The following C2orf76 variants were observed in gnomAD, a reference collection of about 807,000 sequenced individuals.
C2orf76 encodes chromosome 2 open reading frame 76.
C2orf76 carries 23 observed loss-of-function variants against 16.9 expected under a neutral mutation model. The ratio of observed to expected loss-of-function variants is 1.36; its 90% CI spans 0.98 to 1.93. The LOEUF (loss-of-function observed/expected upper bound fraction) is 1.93. Ranked by LOEUF, C2orf76 falls within the 30% of genes most tolerant of loss-of-function variation. C2orf76 has a pLI of 0.00. For synonymous variants in C2orf76, 48 were observed against 52.3 expected, an observed-to-expected ratio of 0.92 and a Z score of 0.35; for missense variants, 152 against 152.6, an observed-to-expected ratio of 1.00 and a Z score of 0.02.
chr2:119,289,957 T>C, the C2orf76 span, among the ~76,000 whole-genome samples: 6 of 151,942 alleles, frequency 3.9e-5, no homozygotes, highest in African/African-American at 1.4e-4. Context: ...TTTCTTAATT[T>C]TTAAAATAAC....
intron 2 of C2orf76, chr2:119,338,982 T>G (rs1679939191): frequency 6.6e-6 from 1 of 151,836 alleles, no homozygotes; most frequent in Admixed American, 6.6e-5. Context: ...CAAGATGGAG[T>G]TGCTTTGGCC....
chr2:119,334,703 A>ACTAT (rs376852438), intron 2 of C2orf76, among the ~76,000 whole-genome samples: 2 of 146,132 alleles, frequency 1.4e-5, no homozygotes, highest in African/African-American at 2.5e-5. Context: ...AAAAAAACAA[A>ACTAT]ATATATATAT....
intron 2 of C2orf76, among the ~76,000 whole-genome samples, chr2:119,327,947 T>G (rs1047429463): frequency 6.6e-6 from 1 of 152,158 alleles, no homozygotes; most frequent in African/African-American, 2.4e-5. Context: ...GTAGCTTTAT[T>G]TTCTTTCAAC....
chr2:119,311,831 C>A lies in C2orf76; in HGVS notation c.223-128G>T, dbSNP rs576512399. ...TCTAAGTAGATTCCACTGCCCTGGC[C>A]GTAATGAGGGCAGTGAACAGAGGCA... On this transcript the variant is annotated intron_variant, in intron 4 of 5. Coordinates refer to ENST00000334816, the MANE Select transcript of C2orf76 (RefSeq NM_001322331.2). 3.4e-5 allele frequency: 29 copies of A among 845,716 alleles called. No homozygotes were observed. In the Admixed American group the frequency reaches 7.1e-4, roughly 21 times the overall value. 52.4% of individuals were successfully genotyped at this position (845,716 alleles called of 1,614,324 possible).
At chr2:119,282,294 G>A in the C2orf76 span, among the ~76,000 whole-genome samples, 1 of 152,162 alleles carries the variant, frequency 6.6e-6, no homozygotes, top group Admixed American at 6.5e-5. Flanking sequence ...ATACCAATAG[G>A]TCGGCTCTGA....
intron 1 of C2orf76, among the ~76,000 whole-genome samples, chr2:119,348,003 C>T (rs1680257656): frequency 7.3e-6 from 1 of 136,562 alleles, no homozygotes; most frequent in Non-Finnish European, 1.5e-5. Flanking sequence ...CTGTGCTCCA[C>T]ACCACTACTC....
intron 1 of C2orf76, among the ~76,000 whole-genome samples, chr2:119,355,134 T>C (rs141656470): frequency 2.0e-5 from 3 of 152,322 alleles, no homozygotes; most frequent in African/African-American, 4.8e-5. Flanking sequence ...TTCCCAAGGG[T>C]TGGAGACTTA....
chr2:119,318,850 A>G (rs905178428), intron 3 of C2orf76, among the ~76,000 whole-genome samples: 9 of 152,154 alleles, frequency 5.9e-5, no homozygotes, highest in Admixed American at 3.9e-4. Flanking sequence ...CAAGGTCAAC[A>G]TAATCCTCAG....
At chr2:119,313,256 A>C (rs1035862373) in intron 4 of C2orf76, among the ~76,000 whole-genome samples, 14 of 152,244 alleles carry the variant, frequency 9.2e-5, no homozygotes, top group South Asian at 2.1e-4. Context: ...CAGGGGCTTA[A>C]AACTCCAGAG....
At chr2:119,304,760 G>A (rs1029321417) in intron 5 of C2orf76, among the ~76,000 whole-genome samples, 2 of 152,176 alleles carry the variant, frequency 1.3e-5, no homozygotes. Flanking sequence ...TTAAGAAGAA[G>A]TAGAATATAA....
chr2:119,342,816 G>T (rs1316452955), intron 1 of C2orf76, among the ~76,000 whole-genome samples: 1 of 151,884 alleles, frequency 6.6e-6, no homozygotes, highest in Non-Finnish European at 1.5e-5. Flanking sequence ...GCTGGAGTGC[G>T]GTGGTGCCAT....
chr2:119,318,183 G>C (rs554194869), intron 3 of C2orf76, among the ~76,000 whole-genome samples: 31 of 152,220 alleles, frequency 2.0e-4, no homozygotes, highest in African/African-American at 7.5e-4. Flanking sequence ...GGTAAAATTC[G>C]AACTCAGCAA....
At chr2:119,312,160 A>T (rs1679013422) in intron 4 of C2orf76, among the ~76,000 whole-genome samples, 1 of 152,028 alleles carries the variant, frequency 6.6e-6, no homozygotes, top group Non-Finnish European at 1.5e-5. Flanking sequence ...CATCATCATC[A>T]TCTTCTGCCA....
At chr2:119,354,599 C>T (rs1039302883) in intron 1 of C2orf76, among the ~76,000 whole-genome samples, 1 of 152,150 alleles carries the variant, frequency 6.6e-6, no homozygotes, top group Non-Finnish European at 1.5e-5. Flanking sequence ...CATTTGAAAA[C>T]TTCTTGGCAT....
chr2:119,314,803 G>C (rs1025857182), intron 4 of C2orf76, among the ~76,000 whole-genome samples: 3 of 152,130 alleles, frequency 2.0e-5, no homozygotes, highest in Non-Finnish European at 4.4e-5. Context: ...ATTTTACGCT[G>C]TTGTATCTTC....
At chr2:119,367,095 A>G (rs534493733), upstream of C2orf76, 1 of 1,612,950 alleles carries the variant, frequency 6.2e-7, no homozygotes, top group Admixed American at 1.7e-5. Flanking sequence ...GCGAAGGTGC[A>G]GCGGGCGGGA....
At chr2:119,292,907 C>T in the C2orf76 span, among the ~76,000 whole-genome samples, 1 of 150,646 alleles carries the variant, frequency 6.6e-6, no homozygotes, top group Non-Finnish European at 1.5e-5. Context: ...TGGTGGCATG[C>T]GCCTGTAGTC....
chr2:119,330,030 G>A (rs1679622418), intron 2 of C2orf76, among the ~76,000 whole-genome samples: 1 of 151,922 alleles, frequency 6.6e-6, no homozygotes, highest in Non-Finnish European at 1.5e-5. Flanking sequence ...TTCAGCTTTG[G>A]TATGTCTGAA....
intron 2 of C2orf76, among the ~76,000 whole-genome samples, chr2:119,322,577 A>C (rs1283538872): frequency 6.6e-6 from 1 of 152,200 alleles, no homozygotes; most frequent in African/African-American, 2.4e-5. Flanking sequence ...AAGGGTATTA[A>C]CTGCAGCATT....
Sources: gnomAD v4.1 joint callset for allele counts (sites outside exome capture counted in the v4.1 genomes callset) on GRCh38, gnomAD v4.1.1 for gene constraint, MANE v1.5 for transcripts, NCBI Gene and HGNC (gene_info 2026-07-23, HGNC 2026-07-21) for gene names.